Variants in FMN1 observed in about 807,000 individuals in gnomAD.
The protein encoded by FMN1 is formin 1.
In FMN1, 110 loss-of-function variants were observed where a neutral mutation model predicts 132.4. That is an observed-to-expected ratio of 0.83 (90% confidence interval 0.71 to 0.97). FMN1 has a LOEUF of 0.97. FMN1 is among the 50% of genes least tolerant of loss of function. FMN1 has a pLI of 0.00. For missense variants in FMN1, 1,792 were observed against 1,705.3 expected, an observed-to-expected ratio of 1.05 and a Z score of -0.90; for synonymous variants, 722 against 651.7, an observed-to-expected ratio of 1.11 and a Z score of -1.64.
chr15:33,067,766 C>A, intron 5 of FMN1: 1 of 1,613,978 alleles, frequency 6.2e-7, no homozygotes, highest in Non-Finnish European at 8.5e-7. Flanking sequence ...ACTCGTAAAC[C>A]CAAATAGGGA....
At chr15:32,935,519 A>G (rs935816876) in intron 9 of FMN1, among the ~76,000 whole-genome samples, 1 of 152,020 alleles carries the variant, frequency 6.6e-6, no homozygotes, top group Non-Finnish European at 1.5e-5. Flanking sequence ...ATATCTGACC[A>G]TTATTTCTTC....
In FMN1 at chr15:33,044,845, T is replaced by A. The variant is rs543539517; in HGVS notation, c.2161+20112A>T. ...GAGCTGCTCTATTGTTCAATAAAGC[T>A]CCTCTACACCTTGCTCCCCCCTCCA... On this transcript the variant is annotated intron_variant, in intron 6 of 20. Coordinates refer to ENST00000616417, the MANE Select transcript of FMN1 (RefSeq NM_001277313.2). Among the ~76,000 whole-genome samples, 18 of 152,274 alleles carry A rather than the reference T, an allele frequency of 1.2e-4. No homozygotes were observed. In the South Asian group the frequency reaches 3.7e-3, roughly 32 times the overall value.
intron 6 of FMN1, among the ~76,000 whole-genome samples, chr15:33,061,688 G>T (rs1267407721): frequency 6.6e-6 from 1 of 152,028 alleles, no homozygotes; most frequent in African/African-American, 2.4e-5. Context: ...GAGATGTATT[G>T]TAATGCTACA....
intron 6 of FMN1, among the ~76,000 whole-genome samples, chr15:33,033,567 A>G (rs2036046538): frequency 6.6e-6 from 1 of 152,068 alleles, no homozygotes; most frequent in African/African-American, 2.4e-5. Context: ...CTCTACCAGA[A>G]CCTTCTTTCT....
intron 4 of FMN1, among the ~76,000 whole-genome samples, chr15:33,136,949 G>T (rs537585722): frequency 6.6e-6 from 1 of 151,904 alleles, no homozygotes; most frequent in East Asian, 1.9e-4. Context: ...TTAGCCAGGC[G>T]TGGTGGCGGG....
chr15:32,870,227 A>G (rs1203013494), intron 16 of FMN1, among the ~76,000 whole-genome samples: 1 of 152,230 alleles, frequency 6.6e-6, no homozygotes, highest in Non-Finnish European at 1.5e-5. Flanking sequence ...CCATCATGTC[A>G]TAAAAATCAT....
intron 16 of FMN1, among the ~76,000 whole-genome samples, chr15:32,862,802 TAAGTCAGAATACAGTTTTAG>T (rs1271517843): frequency 3.3e-5 from 5 of 152,228 alleles, no homozygotes; most frequent in Non-Finnish European, 7.3e-5. Flanking sequence ...TGGGCTTAGT[TAAGTCAGAATACAGTTTTAG>T]AGGAAAGGAA....
At chr15:32,785,218 A>ATATATATATATATTTTTTTTTTTT in intron 19 of FMN1, among the ~76,000 whole-genome samples, 1 of 39,202 alleles carries the variant, frequency 2.6e-5, no homozygotes, top group Non-Finnish European at 4.5e-5. Flanking sequence ...ATATATATAT[A>ATATATATATATATTTTTTTTTTTT]TTTTTTTTTT....
intron 4 of FMN1, among the ~76,000 whole-genome samples, chr15:33,115,120 C>G (rs528383495): frequency 2.0e-4 from 30 of 152,194 alleles, no homozygotes; most frequent in Non-Finnish European, 3.5e-4. Flanking sequence ...ATAACTAAGA[C>G]AAGGCCCTTG....
chr15:33,124,125 T>C (rs1296469992), intron 4 of FMN1, among the ~76,000 whole-genome samples: 1 of 152,214 alleles, frequency 6.6e-6, no homozygotes, highest in East Asian at 1.9e-4. Context: ...AGTCCTGGGT[T>C]GAGGATCATC....
rs905205823 is a variant in FMN1, at chr15:32,901,393, G to C, written c.3507+518C>G. On this transcript the variant is annotated intron_variant, in intron 13 of 20. Coordinates refer to ENST00000616417, the MANE Select transcript of FMN1 (RefSeq NM_001277313.2). ...CCTTAAGAGCATGGGTCAACTGTGA[G>C]AAAAAGGCAGGTGCTAGAATTTAAC... Among the ~76,000 whole-genome samples the C allele has an allele frequency of 3.3e-5, 5 of 152,216 alleles. No individual in the cohort carries two copies. The South Asian group carries it at 1.0e-3, about 32-fold the overall frequency.
chr15:33,186,905 G>T (rs896455364), intron 2 of FMN1, among the ~76,000 whole-genome samples: 4 of 152,280 alleles, frequency 2.6e-5, no homozygotes, highest in Non-Finnish European at 4.4e-5. Flanking sequence ...TAACTCCAGT[G>T]ACTCTTAGTC....
chr15:33,058,963 C>T (rs1390608978), intron 6 of FMN1, among the ~76,000 whole-genome samples: 4 of 152,192 alleles, frequency 2.6e-5, no homozygotes, highest in Non-Finnish European at 5.9e-5. Flanking sequence ...TATAATCACA[C>T]TGCTGTGCAA....
chr15:32,853,803 T>C (rs2059064082), intron 17 of FMN1, among the ~76,000 whole-genome samples: 2 of 152,320 alleles, frequency 1.3e-5, no homozygotes, highest in South Asian at 4.1e-4. Flanking sequence ...GTAGCCCCAC[T>C]TGAGAGCCAA....
intron 17 of FMN1, among the ~76,000 whole-genome samples, chr15:32,804,798 A>G (rs2057618852): frequency 1.3e-5 from 2 of 151,944 alleles, no homozygotes; most frequent in East Asian, 1.9e-4. Flanking sequence ...GCTGAGAATG[A>G]TAGTTTCTGG....
chr15:32,865,806 A>G (rs1236718978), intron 16 of FMN1, among the ~76,000 whole-genome samples: 1 of 151,112 alleles, frequency 6.6e-6, no homozygotes, highest in Non-Finnish European at 1.5e-5. Flanking sequence ...ATTGCACTCC[A>G]GCCTGGGCAA....
chr15:32,880,892 T>G (rs180856804), intron 16 of FMN1, among the ~76,000 whole-genome samples: 1 of 152,188 alleles, frequency 6.6e-6, no homozygotes, highest in African/African-American at 2.4e-5. Flanking sequence ...GTTCTAGTAA[T>G]AGTATAAATC....
chr15:32,805,545 C>T (rs1013235054), intron 17 of FMN1, among the ~76,000 whole-genome samples: 4 of 152,134 alleles, frequency 2.6e-5, no homozygotes, highest in Non-Finnish European at 5.9e-5. Flanking sequence ...GTTGCCATTG[C>T]TTTTGGTGTT....
intron 4 of FMN1, among the ~76,000 whole-genome samples, chr15:33,111,946 T>A (rs1260188310): frequency 1.3e-5 from 2 of 152,184 alleles, no homozygotes; most frequent in Non-Finnish European, 2.9e-5. Context: ...GCATGTGTAT[T>A]ATATCTTAAT....
Sources: gnomAD v4.1 joint callset for allele counts (sites outside exome capture counted in the v4.1 genomes callset) on GRCh38, gnomAD v4.1.1 for gene constraint, MANE v1.5 for transcripts, NCBI Gene and HGNC (gene_info 2026-07-23, HGNC 2026-07-21) for gene names.